EBF1: variants seen among roughly 807,000 people sequenced by gnomAD.
The protein encoded by EBF1 is transcription factor COE1.
In EBF1, 10 loss-of-function variants were observed where a neutral mutation model predicts 68.4. That is an observed-to-expected ratio of 0.15 (90% CI 0.09 to 0.25). The LOEUF (loss-of-function observed/expected upper bound fraction) is 0.25. EBF1 is among the 10% of genes least tolerant of loss of function. EBF1 has a pLI of 1.00. For synonymous variants in EBF1, 298 were observed against 299.8 expected, an observed-to-expected ratio of 0.99 and a Z score of 0.06; for missense variants, 509 against 794.4, an observed-to-expected ratio of 0.64 and a Z score of 4.32.
chr5:158,961,792 A>G (rs1818229817), intron 6 of EBF1, among the ~76,000 whole-genome samples: 1 of 152,252 alleles, frequency 6.6e-6, no homozygotes, highest in Non-Finnish European at 1.5e-5. Flanking sequence ...AACTCCGACC[A>G]GTGGAGGTCA....
intron 6 of EBF1, among the ~76,000 whole-genome samples, chr5:159,004,031 C>T (rs1040280278): frequency 5.9e-5 from 9 of 152,184 alleles, no homozygotes; most frequent in Admixed American, 4.6e-4. Context: ...AATCCCAGCA[C>T]ATTGGGAGGC....
intron 6 of EBF1, among the ~76,000 whole-genome samples, chr5:158,927,737 C>T (rs762409506): frequency 1.6e-4 from 25 of 152,178 alleles, no homozygotes; most frequent in Non-Finnish European, 1.9e-4. Context: ...ACCTTGCTGG[C>T]TTGTGTTTGG....
chr5:158,789,717 C>T (rs1778211630), intron 9 of EBF1, among the ~76,000 whole-genome samples: 1 of 152,114 alleles, frequency 6.6e-6, no homozygotes. Flanking sequence ...TTTCTCAAGG[C>T]CCTTAAAATG....
At chr5:159,065,665 C>T (rs1776660445) in intron 6 of EBF1, among the ~76,000 whole-genome samples, 1 of 151,618 alleles carries the variant, frequency 6.6e-6, no homozygotes. Flanking sequence ...AAAAACCCAC[C>T]ACAACCTTTA....
chr5:158,825,216 C>T (rs1785797455), intron 7 of EBF1, among the ~76,000 whole-genome samples: 1 of 152,206 alleles, frequency 6.6e-6, no homozygotes, highest in Non-Finnish European at 1.5e-5. Context: ...AAACGGTCTA[C>T]TATTTTGCCT....
chr5:159,007,433 C>T (rs1471043722), intron 6 of EBF1, among the ~76,000 whole-genome samples: 1 of 152,170 alleles, frequency 6.6e-6, no homozygotes, highest in African/African-American at 2.4e-5. Context: ...TTAAAATCAA[C>T]ATTTAAATTG....
At chr5:158,937,033 C>T (rs952166743) in intron 6 of EBF1, among the ~76,000 whole-genome samples, 1 of 149,740 alleles carries the variant, frequency 6.7e-6, no homozygotes, top group Non-Finnish European at 1.5e-5. Flanking sequence ...GTACTTAGTG[C>T]GACTGACTGG....
At chr5:159,009,839 T>C (rs1311526755) in intron 6 of EBF1, among the ~76,000 whole-genome samples, 1 of 152,104 alleles carries the variant, frequency 6.6e-6, no homozygotes, top group Non-Finnish European at 1.5e-5. Context: ...AGCTGACACT[T>C]GTTTTTTCAT....
intron 6 of EBF1, among the ~76,000 whole-genome samples, chr5:158,929,087 C>T (rs1371771659): frequency 6.6e-6 from 1 of 151,966 alleles, no homozygotes; most frequent in Non-Finnish European, 1.5e-5. Context: ...TTCTTTATGA[C>T]ATGAAGGGAA....
intron 6 of EBF1, among the ~76,000 whole-genome samples, chr5:159,011,444 G>A (rs1764643085): frequency 6.6e-6 from 1 of 152,182 alleles, no homozygotes. Flanking sequence ...GATCCTATAA[G>A]GACCTTCCCA....
At chr5:158,856,933 T>C (rs1414396495) in intron 6 of EBF1, among the ~76,000 whole-genome samples, 1 of 152,210 alleles carries the variant, frequency 6.6e-6, no homozygotes, top group African/African-American at 2.4e-5. Context: ...CCTTAGATAC[T>C]GCATGGTAAA....
chr5:158,855,403 G>A (rs1793777390), intron 6 of EBF1, among the ~76,000 whole-genome samples: 3 of 152,318 alleles, frequency 2.0e-5, no homozygotes, highest in Middle Eastern at 6.8e-3. Flanking sequence ...AAGAAATCAG[G>A]TGACATGGTC....
intron 6 of EBF1, among the ~76,000 whole-genome samples, chr5:158,852,630 G>A (rs891903): frequency 0.21 from 31,226 of 152,078 alleles, 4,184 homozygotes; most frequent in South Asian, 0.49. Context: ...TATTATAGAC[G>A]ATCCAATAAG....
chr5:158,997,815 C>G (rs1219184160), intron 6 of EBF1, among the ~76,000 whole-genome samples: 1 of 152,230 alleles, frequency 6.6e-6, no homozygotes, highest in Non-Finnish European at 1.5e-5. Context: ...TCTCCCTCTA[C>G]TCCTTACCTC....
At chr5:158,829,100 G>T (rs1786878066) in intron 7 of EBF1, among the ~76,000 whole-genome samples, 1 of 152,162 alleles carries the variant, frequency 6.6e-6, no homozygotes, top group Admixed American at 6.5e-5. Flanking sequence ...GTATAATACT[G>T]TAATGATGTA....
At chr5:158,912,975 C>T (rs1250576529) in intron 6 of EBF1, among the ~76,000 whole-genome samples, 1 of 152,222 alleles carries the variant, frequency 6.6e-6, no homozygotes, top group Non-Finnish European at 1.5e-5. Flanking sequence ...CTATTCCTGG[C>T]ATCACTTTTG....
Position 159,042,565 on chromosome 5 carries a change from A to T in EBF1, c.554+30831T>A, listed in dbSNP as rs1351272365. 3.4e-5 allele frequency among the ~76,000 whole-genome samples: 5 copies of T among 148,572 alleles called. No homozygotes were observed. In the South Asian group the frequency reaches 1.1e-3, roughly 32 times the overall value. On this transcript the variant is annotated intron_variant, in intron 6 of 15. Coordinates refer to ENST00000313708, the MANE Select transcript of EBF1 (RefSeq NM_024007.5). ...TTTACACATATTACTGTTTTCCCAA[A>T]GGAAAAAAAAAATTCTTTGCCTGTG...
chr5:158,820,133 T>C (rs1351604778), intron 8 of EBF1, among the ~76,000 whole-genome samples: 1 of 152,008 alleles, frequency 6.6e-6, no homozygotes, highest in Non-Finnish European at 1.5e-5. Flanking sequence ...ATTTGCAGAA[T>C]AGCCCAAAAT....
At chr5:159,013,253 C>T (rs536482051) in intron 6 of EBF1, among the ~76,000 whole-genome samples, 4 of 152,278 alleles carry the variant, frequency 2.6e-5, no homozygotes, top group South Asian at 2.1e-4. Flanking sequence ...TGAAGCACCA[C>T]GGCAAGCACA....
Sources: allele counts gnomAD v4.1 joint callset (sites outside exome capture counted in the v4.1 genomes callset), GRCh38; gene constraint gnomAD v4.1.1; transcripts MANE v1.5; gene names NCBI Gene and HGNC (gene_info 2026-07-23, HGNC 2026-07-21).